TEAD1: variants seen among roughly 807,000 people sequenced by gnomAD.
The protein encoded by TEAD1 is transcriptional enhancer factor TEF-1.
In TEAD1, 9 loss-of-function variants were observed where a neutral mutation model predicts 54.9. The ratio of observed to expected loss-of-function variants is 0.16; its 90% CI spans 0.10 to 0.29. TEAD1 has a LOEUF of 0.29. Among genes scored for constraint, TEAD1 ranks in the 10% least tolerant of loss-of-function variants. TEAD1 has a pLI of 1.00. For synonymous variants in TEAD1, 200 were observed against 187.8 expected (o/e 1.07, Z -0.53); for missense variants, 387 against 535.9 (o/e 0.72, Z 2.74).
chr11:12,820,858 C>T (rs761765703), intron 3 of TEAD1, among the ~76,000 whole-genome samples: 18 of 152,108 alleles, frequency 1.2e-4, no homozygotes, highest in East Asian at 1.9e-4. Flanking sequence ...TTTAAGATGA[C>T]GAGTAAGTCT....
intron 2 of TEAD1, among the ~76,000 whole-genome samples, chr11:12,689,108 C>T (rs1463345159): frequency 6.6e-6 from 1 of 151,408 alleles, no homozygotes; most frequent in Non-Finnish European, 1.5e-5. Context: ...TCTGTTGTCT[C>T]TCCCTCCTCC....
chr11:12,827,492 A>C (rs900362035), intron 3 of TEAD1, among the ~76,000 whole-genome samples: 1 of 152,158 alleles, frequency 6.6e-6, no homozygotes, highest in African/African-American at 2.4e-5. Flanking sequence ...TAGTATCCCT[A>C]TTTTACAAGT....
chr11:12,899,352 A>C (rs1450175170), intron 9 of TEAD1, among the ~76,000 whole-genome samples: 1 of 152,014 alleles, frequency 6.6e-6, no homozygotes, highest in African/African-American at 2.4e-5. Context: ...TGTGTTTCTG[A>C]TTGCCTTTAT....
intron 2 of TEAD1, among the ~76,000 whole-genome samples, chr11:12,723,615 A>G (rs1382127091): frequency 6.6e-6 from 1 of 151,996 alleles, no homozygotes; most frequent in African/African-American, 2.4e-5. Flanking sequence ...TCCCTCTACC[A>G]TCCCCCCATT....
At chr11:12,696,742 C>T (rs1943592535) in intron 2 of TEAD1, among the ~76,000 whole-genome samples, 1 of 151,964 alleles carries the variant, frequency 6.6e-6, no homozygotes, top group African/African-American at 2.4e-5. Context: ...TGCGTGCTGT[C>T]CTAGGGAGGC....
intron 6 of TEAD1, among the ~76,000 whole-genome samples, chr11:12,880,075 AAAAAGG>A (rs1441222069): frequency 6.6e-6 from 1 of 152,166 alleles, no homozygotes; most frequent in Non-Finnish European, 1.5e-5. Context: ...GAAGAAAAGA[AAAAAGG>A]AAAAGGAAGA....
chr11:12,825,646 T>G (rs1317238752), intron 3 of TEAD1, among the ~76,000 whole-genome samples: 1 of 152,184 alleles, frequency 6.6e-6, no homozygotes, highest in Admixed American at 6.5e-5. Context: ...TAAAAAAAAT[T>G]GTCAAGCTGT....
At chr11:12,766,601 G>T (rs569728601) in intron 3 of TEAD1, among the ~76,000 whole-genome samples, 14 of 152,330 alleles carry the variant, frequency 9.2e-5, no homozygotes, top group African/African-American at 3.1e-4. Flanking sequence ...AAGAGGGTCA[G>T]TTTTGACAAA....
chr11:12,908,169 G>A (rs1027680593), intron 10 of TEAD1, among the ~76,000 whole-genome samples: 1 of 152,156 alleles, frequency 6.6e-6, no homozygotes, highest in Admixed American at 6.5e-5. Context: ...CCAGGAGCCT[G>A]CTTTTCATAT....
chr11:12,851,136 G>GAAA, intron 3 of TEAD1: 5 of 955,496 alleles, frequency 5.2e-6, no homozygotes, highest in Non-Finnish European at 6.2e-6. Flanking sequence ...GACACGGAAA[G>GAAA]AAAAAAACTA....
At chr11:12,883,521 C>G (rs1232441201) in intron 9 of TEAD1, among the ~76,000 whole-genome samples, 1 of 152,134 alleles carries the variant, frequency 6.6e-6, no homozygotes, top group Non-Finnish European at 1.5e-5. Flanking sequence ...CCCTAGGAAG[C>G]TAGGTACTAA....
At chr11:12,880,799 AG>A (rs897987865) in intron 6 of TEAD1, among the ~76,000 whole-genome samples, 3 of 152,116 alleles carry the variant, frequency 2.0e-5, no homozygotes, top group Non-Finnish European at 4.4e-5. Flanking sequence ...TTCAGGAAGG[AG>A]GCGCTAAGGG....
intron 2 of TEAD1, among the ~76,000 whole-genome samples, chr11:12,755,610 G>C (rs1252277615): frequency 1.3e-5 from 2 of 152,156 alleles, no homozygotes; most frequent in Non-Finnish European, 2.9e-5. Context: ...GCTAACAGTT[G>C]GGACGTTTGC....
intron 5 of TEAD1, among the ~76,000 whole-genome samples, chr11:12,877,833 T>C (rs1947884828): frequency 7.1e-6 from 1 of 140,298 alleles, no homozygotes; most frequent in Non-Finnish European, 1.6e-5. Context: ...CTTGCTCTAC[T>C]GCCCAGGCTT....
chr11:12,817,309 TA>T (rs1453394014), intron 3 of TEAD1, among the ~76,000 whole-genome samples: 1 of 152,202 alleles, frequency 6.6e-6, no homozygotes, highest in Non-Finnish European at 1.5e-5. Flanking sequence ...GAGATGAGAA[TA>T]AACATTTAGT....
intron 2 of TEAD1, among the ~76,000 whole-genome samples, chr11:12,686,923 C>T (rs1326539848): frequency 2.6e-5 from 4 of 152,214 alleles, no homozygotes; most frequent in Non-Finnish European, 4.4e-5. Flanking sequence ...AGTGTTTCAG[C>T]TCTGACCAAA....
intron 5 of TEAD1, among the ~76,000 whole-genome samples, chr11:12,875,508 A>G (rs1393973975): frequency 6.6e-6 from 1 of 152,198 alleles, no homozygotes; most frequent in Non-Finnish European, 1.5e-5. Context: ...GGTGGTGCTT[A>G]TTATTTCCAG....
chr11:12,712,918 C>T (rs1377504619), intron 2 of TEAD1, among the ~76,000 whole-genome samples: 3 of 152,154 alleles, frequency 2.0e-5, no homozygotes, highest in Non-Finnish European at 4.4e-5. Context: ...TAGACCCAAG[C>T]TAAGTTGGAA....
chr11:12,767,997 T>TAAAAC (rs1356556236), intron 3 of TEAD1, among the ~76,000 whole-genome samples: 9 of 152,200 alleles, frequency 5.9e-5, no homozygotes, highest in Non-Finnish European at 1.2e-4. Flanking sequence ...GGCTGTAGTT[T>TAAAAC]AAAACAAAAC....
Sources: gnomAD v4.1 joint callset for allele counts (sites outside exome capture counted in the v4.1 genomes callset) on GRCh38, gnomAD v4.1.1 for gene constraint, MANE v1.5 for transcripts, NCBI Gene and HGNC (gene_info 2026-07-23, HGNC 2026-07-21) for gene names.